The following CMSS1 variants were observed in gnomAD, a reference collection of about 807,000 sequenced individuals.
The protein encoded by CMSS1 is cms1 ribosomal small subunit homolog, also known as protein CMSS1.
Under a neutral mutation model 43.5 loss-of-function variants are expected in CMSS1, and 33 were observed. The observed-to-expected ratio is 0.76, with a 90% CI of 0.57 to 1.01. The LOEUF is 1.01. CMSS1 is among the 50% of genes least tolerant of loss of function. The pLI is 0.00. For missense variants in CMSS1, 313 were observed against 326.4 expected (o/e 0.96, Z 0.32); for synonymous variants, 115 against 117.2 (o/e 0.98, Z 0.12).
chr3:100,078,207 C>A (rs1374854574), intron 1 of CMSS1, among the ~76,000 whole-genome samples: 3 of 152,044 alleles, frequency 2.0e-5, no homozygotes, highest in African/African-American at 7.3e-5. Flanking sequence ...AGTAAATTAA[C>A]TTTTCAAAGT....
intron 1 of CMSS1, among the ~76,000 whole-genome samples, chr3:99,843,865 A>G (rs1057395940): frequency 1.3e-5 from 2 of 152,152 alleles, no homozygotes; most frequent in African/African-American, 4.8e-5. Flanking sequence ...GTGGCATTAG[A>G]TTCTCATAGG....
chr3:100,149,795 G>C lies in CMSS1; in HGVS notation c.153+2734G>C, dbSNP rs567775725. Among the ~76,000 whole-genome samples the C allele has an allele frequency of 4.6e-5, 7 of 152,252 alleles. No individual in the cohort carries two copies. The East Asian group carries it at 1.4e-3, about 29-fold the overall frequency. ...AATTGGCACTCATTATTTGTGAAAT[G>C]AAGGAATGAATGACCATACCGGTAT... On this transcript the variant is annotated intron_variant, in intron 2 of 9. Transcript: ENST00000421999.
In CMSS1 at chr3:100,167,727, CT is replaced by C. The variant is rs772903826; in HGVS notation, c.416-5del. The C allele has an allele frequency of 6.3e-7, 1 of 1,582,612 alleles. No homozygotes were observed. Among genetic ancestry groups the C allele is most frequent in the Non-Finnish European group, 8.6e-7 (1 of 1,158,016 alleles). ...ATATTTCAAATAATTGTTTTCTGTT[CT>C]TTTTTCCAGTTTGTCCTAAGTGGGT... is the stretch of plus-strand genomic sequence containing the variant. On this transcript the variant is annotated splice_polypyrimidine_tract_variant and intron_variant, in intron 5 of 9. Coordinates refer to ENST00000421999, the MANE Select transcript of CMSS1 (RefSeq NM_032359.4).
At chr3:99,827,786 G>A (rs1404549684) in intron 1 of CMSS1, among the ~76,000 whole-genome samples, 2 of 152,030 alleles carry the variant, frequency 1.3e-5, no homozygotes, top group African/African-American at 2.4e-5. Context: ...TGCATTTTTA[G>A]TAGAGACGAG....
intron 1 of CMSS1, among the ~76,000 whole-genome samples, chr3:99,832,361 G>A (rs191843138): frequency 2.3e-3 from 350 of 150,888 alleles, no homozygotes; most frequent in Non-Finnish European, 4.2e-3. Flanking sequence ...CTCCCCAGTA[G>A]CTGGGACCAC....
intron 1 of CMSS1, chr3:100,011,871 C>T (rs2107196762): frequency 6.6e-6 from 1 of 152,236 alleles, no homozygotes; most frequent in East Asian, 1.9e-4. Context: ...TGTTAAAATT[C>T]AAGTTTTAGT....
chr3:100,121,081 C>T (rs1450044325), intron 1 of CMSS1, among the ~76,000 whole-genome samples: 2 of 152,098 alleles, frequency 1.3e-5, no homozygotes, highest in Non-Finnish European at 2.9e-5. Context: ...CAAAGTGACC[C>T]CTGAATTCAA....
At chr3:100,043,339 GTC>G in intron 1 of CMSS1, among the ~76,000 whole-genome samples, 1 of 152,244 alleles carries the variant, frequency 6.6e-6, no homozygotes, top group Non-Finnish European at 1.5e-5. Flanking sequence ...AAGTCTCTCT[GTC>G]TCTGTTCTTT....
At chr3:99,917,881 G>C (rs1707002405) in intron 1 of CMSS1, among the ~76,000 whole-genome samples, 1 of 152,174 alleles carries the variant, frequency 6.6e-6, no homozygotes, top group Non-Finnish European at 1.5e-5. Flanking sequence ...AAAGGTACTT[G>C]TTCATGACAA....
chr3:99,876,160 CG>C, intron 1 of CMSS1: 1 of 985,678 alleles, frequency 1.0e-6, no homozygotes, highest in Non-Finnish European at 1.2e-6. Context: ...CTCCGAGAGT[CG>C]CCCGAACAAT....
rs755586670 is a variant in CMSS1 at position 99,930,025 on chromosome 3, C to A, written c.64+111982C>A. Reference sequence around the variant, plus strand: ...CTTTAAAATGCCTATGACCTCATCTCGAGCCTGTAGGAACAAAAAGTATTT... The same window carrying A: ...CTTTAAAATGCCTATGACCTCATCTAGAGCCTGTAGGAACAAAAAGTATTT... On this transcript the variant is annotated intron_variant, in intron 1 of 9. Transcript: ENST00000421999. 18 of 1,604,102 alleles carry A rather than the reference C, an allele frequency of 1.1e-5. No homozygotes were observed. The highest frequency in any genetic ancestry group is 1.4e-5 in the Non-Finnish European group (17 of 1,176,258).
chr3:99,976,138 G>A (rs1331728491), intron 1 of CMSS1, among the ~76,000 whole-genome samples: 1 of 152,114 alleles, frequency 6.6e-6, no homozygotes, highest in Non-Finnish European at 1.5e-5. Flanking sequence ...GCCCGCCTCA[G>A]CCTCCCAAAG....
intron 1 of CMSS1, chr3:99,926,026 A>G (rs1707282680): frequency 4.9e-6 from 1 of 202,658 alleles, no homozygotes; most frequent in Non-Finnish European, 8.7e-6. Context: ...TTAGATACAG[A>G]TGCAGTAAGT....
At chr3:99,886,227 GC>G (rs1705891370) in intron 1 of CMSS1, among the ~76,000 whole-genome samples, 1 of 132,540 alleles carries the variant, frequency 7.5e-6, no homozygotes, top group Non-Finnish European at 1.6e-5. Flanking sequence ...TTATCACTAT[GC>G]TGAGTTCCTG....
intron 1 of CMSS1, among the ~76,000 whole-genome samples, chr3:99,995,942 A>G (rs1462491712): frequency 6.6e-6 from 1 of 151,720 alleles, no homozygotes; most frequent in African/African-American, 2.4e-5. Context: ...TTGTGTGAAG[A>G]CCTCTGACAT....
intron 1 of CMSS1, among the ~76,000 whole-genome samples, chr3:99,866,424 C>T (rs1221930557): frequency 6.6e-6 from 1 of 152,120 alleles, no homozygotes; most frequent in African/African-American, 2.4e-5. Context: ...ACCACAACAA[C>T]AGATGCCTAT....
chr3:99,948,543 G>C (rs1178309446), intron 1 of CMSS1, among the ~76,000 whole-genome samples: 1 of 147,972 alleles, frequency 6.8e-6, no homozygotes, highest in African/African-American at 2.5e-5. Context: ...GGGGAAGGGA[G>C]GGGGAGGGGG....
At chr3:99,909,333 A>G (rs1056657800) in intron 1 of CMSS1, among the ~76,000 whole-genome samples, 8 of 152,152 alleles carry the variant, frequency 5.3e-5, no homozygotes, top group African/African-American at 1.9e-4. Context: ...TTGTGTGTAT[A>G]CACTGTACCA....
chr3:100,118,326 CTA>C (rs2066593070), intron 1 of CMSS1, among the ~76,000 whole-genome samples: 1 of 151,752 alleles, frequency 6.6e-6, no homozygotes, highest in Non-Finnish European at 1.5e-5. Context: ...TATTATATCT[CTA>C]TTAGATAGCA....
Sources: allele counts gnomAD v4.1 joint callset (sites outside exome capture counted in the v4.1 genomes callset), GRCh38; gene constraint gnomAD v4.1.1; transcripts MANE v1.5; gene names NCBI Gene and HGNC (gene_info 2026-07-23, HGNC 2026-07-21).